Variants in MLIP observed in about 807,000 individuals in gnomAD.
MLIP encodes the protein muscular LMNA-interacting protein.
MLIP carries 79 observed loss-of-function variants against 84.8 expected under a neutral mutation model. That is an observed-to-expected ratio of 0.93 (90% CI 0.78 to 1.12). MLIP has a LOEUF of 1.12. Among genes scored for constraint, MLIP ranks in the 50% most tolerant of loss-of-function variants. The probability of loss-of-function intolerance (pLI) is 0.00; values close to 1 mark genes in which losing one functional copy is unlikely to be tolerated. For missense variants in MLIP, 1,257 were observed against 1,160.6 expected (o/e 1.08, Z -1.21); for synonymous variants, 504 against 463.0 (o/e 1.09, Z -1.14).
At chr6:54,249,486 G>A (rs1782307540) in intron 12 of MLIP, among the ~76,000 whole-genome samples, 1 of 151,176 alleles carries the variant, frequency 6.6e-6, no homozygotes, top group Non-Finnish European at 1.5e-5. Flanking sequence ...TTTGATATGA[G>A]AGGCATATTT....
In MLIP at chr6:54,135,787, T is replaced by G. The variant is rs1363316187; in HGVS notation, c.646-928T>G. On this transcript the variant is annotated intron_variant, in intron 3 of 13. Transcript: ENST00000502396. Reference sequence around the variant, plus strand: ...AAAAGGTGTTCAAAGTATTTATAACTTCAGTGCTTATCTTAAAGTACTAGA... The same window carrying G: ...AAAAGGTGTTCAAAGTATTTATAACGTCAGTGCTTATCTTAAAGTACTAGA... Among the ~76,000 whole-genome samples, 3 of 152,194 alleles carry G rather than the reference T, an allele frequency of 2.0e-5. No homozygotes were observed. The East Asian group carries it at 5.8e-4, about 29-fold the overall frequency.
upstream of MLIP, among the ~76,000 whole-genome samples, chr6:54,109,146 A>G (rs1490941346): frequency 6.6e-6 from 1 of 151,198 alleles, no homozygotes; most frequent in African/African-American, 2.4e-5. Flanking sequence ...ATATATATGA[A>G]TATTTCCATT....
At chr6:54,248,398 A>G (rs548812225) in intron 12 of MLIP, among the ~76,000 whole-genome samples, 1 of 152,094 alleles carries the variant, frequency 6.6e-6, no homozygotes, top group African/African-American at 2.4e-5. Flanking sequence ...GAGAACTGAA[A>G]TGGTGTTAGA....
At chr6:54,124,393 A>T in intron 2 of MLIP, 80 bp from the exon 3 acceptor site, 1 of 1,316,964 alleles carries the variant, frequency 7.6e-7, no homozygotes, top group Non-Finnish European at 1.0e-6. Context: ...TAAGGAGGTT[A>T]AGCTTTTCAG....
At chr6:54,245,516 G>T (rs1706654489) in intron 12 of MLIP, among the ~76,000 whole-genome samples, 1 of 152,188 alleles carries the variant, frequency 6.6e-6, no homozygotes, top group Admixed American at 6.5e-5. Flanking sequence ...ATGCGCAGTA[G>T]AAGGAGGCAG....
At chr6:54,060,320 AC>A (rs1360268178) in intron 1 of MLIP, among the ~76,000 whole-genome samples, 1 of 152,236 alleles carries the variant, frequency 6.6e-6, no homozygotes, top group Non-Finnish European at 1.5e-5. Flanking sequence ...TATTTTAGCA[AC>A]ACTTTCTTCA....
At chr6:54,199,326 A>C (rs1357773747) in intron 10 of MLIP, among the ~76,000 whole-genome samples, 1 of 152,152 alleles carries the variant, frequency 6.6e-6, no homozygotes, top group Admixed American at 6.6e-5. Flanking sequence ...TATTAACTGC[A>C]TGACTTTGGC....
chr6:54,163,271 T>C (rs6915002), intron 8 of MLIP, among the ~76,000 whole-genome samples: 74,075 of 151,570 alleles, frequency 0.49, 19,998 homozygotes, highest in South Asian at 0.63. Flanking sequence ...CATACCCTTT[T>C]GTCTAATTTT....
At chr6:54,162,990 A>G (rs987973180) in intron 8 of MLIP, among the ~76,000 whole-genome samples, 1 of 151,998 alleles carries the variant, frequency 6.6e-6, no homozygotes, top group Admixed American at 6.6e-5. Context: ...GTGTTTGCGA[A>G]TATAATTGTG....
chr6:54,090,048 T>A lies in MLIP; in HGVS notation c.64-31399T>A, dbSNP rs1006318236. The stretch of plus-strand genomic sequence containing the variant: ...AGTGTCATTCTTAGTGAAACTAAAA[T>A]GAGTTGCAGGATTGATCAGTTTTTG... On this transcript the variant is annotated intron_variant, in intron 1 of 12. Transcript: ENST00000274897. Among the ~76,000 whole-genome samples, 21 of 152,316 alleles carry A rather than the reference T, an allele frequency of 1.4e-4. No individual in the cohort carries two copies. In the East Asian group the frequency reaches 4.0e-3, roughly 29 times the overall value.
chr6:54,148,361 G>A (rs1378816458), intron 4 of MLIP, among the ~76,000 whole-genome samples: 2 of 152,072 alleles, frequency 1.3e-5, no homozygotes. Context: ...ACACTGAACT[G>A]TATTATTCTG....
At chr6:54,049,593 T>C (rs1219888648) in intron 1 of MLIP, among the ~76,000 whole-genome samples, 2 of 152,160 alleles carry the variant, frequency 1.3e-5, no homozygotes, top group African/African-American at 2.4e-5. Context: ...GGGTCAGGCA[T>C]AATTAAGATA....
intron 1 of MLIP, among the ~76,000 whole-genome samples, chr6:54,106,163 C>A (rs1301783009): frequency 2.0e-5 from 3 of 152,102 alleles, no homozygotes; most frequent in Non-Finnish European, 4.4e-5. Flanking sequence ...GCCTAGCTGA[C>A]CTCATGAGGA....
At chr6:54,054,864 G>C (rs1765565499) in intron 1 of MLIP, among the ~76,000 whole-genome samples, 1 of 151,856 alleles carries the variant, frequency 6.6e-6, no homozygotes, top group Admixed American at 6.6e-5. Context: ...ATTAGTTACA[G>C]TGCTTATCAC....
rs546316829 is a variant in MLIP at position 54,073,884 on chromosome 6, T to C, written c.64-47563T>C. On this transcript the variant is annotated intron_variant, in intron 1 of 12. Coordinates refer to the MLIP transcript ENST00000274897. ...ATATCCACATTCAGTTCACTTATTATATTTAATTACTTATTTTCAAGGCTT... is the reference window on the plus strand; with the variant it reads ...ATATCCACATTCAGTTCACTTATTACATTTAATTACTTATTTTCAAGGCTT... Among the ~76,000 whole-genome samples, 82 of 152,334 alleles carry C rather than the reference T, an allele frequency of 5.4e-4. 1 individual carries two copies. Among genetic ancestry groups the C allele is most frequent in the African/African-American group, 1.7e-3 (71 of 41,576 alleles).
At chr6:54,118,631 A>G (rs1162772980) in intron 1 of MLIP, among the ~76,000 whole-genome samples, 2 of 152,258 alleles carry the variant, frequency 1.3e-5, no homozygotes, top group African/African-American at 2.4e-5. Context: ...TATGACTTCA[A>G]AAGTATAAGC....
chr6:54,025,128 C>T (rs564452517), intron 1 of MLIP, among the ~76,000 whole-genome samples: 3 of 152,012 alleles, frequency 2.0e-5, no homozygotes, highest in South Asian at 2.1e-4. Flanking sequence ...GAATTACAGG[C>T]GTGAGCCGTT....
chr6:54,071,915 C>A (rs56303606), intron 1 of MLIP, among the ~76,000 whole-genome samples: 4,445 of 152,260 alleles, frequency 0.029, 198 homozygotes, highest in African/African-American at 0.1. Context: ...TATTGCCTCA[C>A]AATCATGTAG....
upstream of MLIP, among the ~76,000 whole-genome samples, chr6:54,110,083 T>C (rs974147668): frequency 4.2e-4 from 64 of 151,030 alleles, no homozygotes; most frequent in Non-Finnish European, 8.3e-4. Flanking sequence ...CCCGGATTCA[T>C]GCCATTCTCC....
Sources: allele counts gnomAD v4.1 joint callset (sites outside exome capture counted in the v4.1 genomes callset), GRCh38; gene constraint gnomAD v4.1.1; transcripts MANE v1.5; gene names NCBI Gene and HGNC (gene_info 2026-07-23, HGNC 2026-07-21).